Variants in ADAMTSL1 observed in about 807,000 individuals in gnomAD.
The protein encoded by ADAMTSL1 is ADAMTS-like protein 1.
In ADAMTSL1, 126 loss-of-function variants were observed where a neutral mutation model predicts 201.8. The ratio of observed to expected loss-of-function variants is 0.62; its 90% CI spans 0.54 to 0.72. The LOEUF is 0.72. Among genes scored for constraint, ADAMTSL1 ranks in the 30% least tolerant of loss-of-function variants. The pLI, the probability that ADAMTSL1 is intolerant of heterozygous loss-of-function variation, is 0.00. For missense variants in ADAMTSL1, 2,679 were observed against 2,277.8 expected (o/e 1.18, Z -3.59); for synonymous variants, 1,121 against 903.4 (o/e 1.24, Z -4.32).
intron 4 of ADAMTSL1, among the ~76,000 whole-genome samples, chr9:18,618,765 G>A (rs1825853541): frequency 6.6e-6 from 1 of 152,124 alleles, no homozygotes; most frequent in Admixed American, 6.6e-5. Flanking sequence ...CCCCAGCCAA[G>A]TCAGCTTCTT....
chr9:18,339,489 C>G (rs1378886465), intron 2 of ADAMTSL1, among the ~76,000 whole-genome samples: 2 of 152,102 alleles, frequency 1.3e-5, no homozygotes, highest in African/African-American at 4.8e-5. Flanking sequence ...AAAGGGAACG[C>G]TTATACATTG....
intron 17 of ADAMTSL1, among the ~76,000 whole-genome samples, chr9:18,772,345 C>G (rs535487057): frequency 1.3e-5 from 2 of 152,140 alleles, no homozygotes; most frequent in African/African-American, 4.8e-5. Context: ...GCCTTTGAAG[C>G]ATATGAGACA....
intron 4 of ADAMTSL1, among the ~76,000 whole-genome samples, chr9:18,609,146 G>C (rs937809674): frequency 6.6e-6 from 1 of 152,134 alleles, no homozygotes; most frequent in African/African-American, 2.4e-5. Context: ...TGTGCTGACA[G>C]ATAAATTTAA....
chr9:18,180,022 A>G (rs917400480), intron 2 of ADAMTSL1, among the ~76,000 whole-genome samples: 1 of 152,276 alleles, frequency 6.6e-6, no homozygotes, highest in African/African-American at 2.4e-5. Flanking sequence ...TTCACACATA[A>G]CAATATTAAC....
chr9:18,644,226 T>A (rs1272031992), intron 7 of ADAMTSL1, among the ~76,000 whole-genome samples: 1 of 152,022 alleles, frequency 6.6e-6, no homozygotes, highest in Non-Finnish European at 1.5e-5. Flanking sequence ...GATTTTTTTA[T>A]CCTGCAACTT....
intron 1 of ADAMTSL1, among the ~76,000 whole-genome samples, chr9:18,161,791 A>G (rs1827400848): frequency 6.6e-6 from 1 of 152,064 alleles, no homozygotes; most frequent in Admixed American, 6.6e-5. Context: ...TAGGGGAAGA[A>G]CTAACAGAAA....
intron 2 of ADAMTSL1, among the ~76,000 whole-genome samples, chr9:18,443,379 A>T (rs1357568922): frequency 6.6e-6 from 1 of 152,250 alleles, no homozygotes; most frequent in Non-Finnish European, 1.5e-5. Context: ...GTGTATAATG[A>T]ATACCATTGC....
intron 2 of ADAMTSL1, among the ~76,000 whole-genome samples, chr9:18,284,480 C>T (rs1832920574): frequency 6.6e-6 from 1 of 152,014 alleles, no homozygotes. Flanking sequence ...GTTGCTTCAT[C>T]AGAATTACTT....
upstream of ADAMTSL1, among the ~76,000 whole-genome samples, chr9:18,471,072 A>T (rs928195785): frequency 2.0e-5 from 3 of 152,200 alleles, no homozygotes; most frequent in Admixed American, 6.5e-5. Context: ...AAAGTTTTAC[A>T]TTACTTTTCC....
At chr9:18,613,318 CCT>C (rs1825498019) in intron 4 of ADAMTSL1, among the ~76,000 whole-genome samples, 1 of 152,070 alleles carries the variant, frequency 6.6e-6, no homozygotes, top group Non-Finnish European at 1.5e-5. Context: ...TCCTCAAAGA[CCT>C]AAAGACAGAA....
At chr9:18,105,499 C>G (rs1164790667) in intron 1 of ADAMTSL1, among the ~76,000 whole-genome samples, 1 of 152,104 alleles carries the variant, frequency 6.6e-6, no homozygotes, top group Non-Finnish European at 1.5e-5. Flanking sequence ...TTCTAAGCCC[C>G]TTATTTTATA....
chr9:18,683,480 G>A (rs914020837), intron 12 of ADAMTSL1, among the ~76,000 whole-genome samples: 5 of 151,648 alleles, frequency 3.3e-5, no homozygotes, highest in Non-Finnish European at 5.9e-5. Flanking sequence ...TAATCGCCTC[G>A]GCCTCCCAAA....
intron 9 of ADAMTSL1, among the ~76,000 whole-genome samples, chr9:18,673,140 A>C (rs1051298866): frequency 6.6e-6 from 1 of 152,174 alleles, no homozygotes; most frequent in Admixed American, 6.5e-5. Context: ...GCATACATGT[A>C]CACACACCCA....
At chr9:18,073,310 G>A (rs1298249311) in intron 1 of ADAMTSL1, among the ~76,000 whole-genome samples, 1 of 152,146 alleles carries the variant, frequency 6.6e-6, no homozygotes, top group Admixed American at 6.5e-5. Flanking sequence ...CTGTGTGAAT[G>A]CCTAATGAAG....
chr9:18,290,353 G>C lies in ADAMTSL1; in HGVS notation c.207+126372G>C, dbSNP rs894098396. Among the ~76,000 whole-genome samples the C allele has an allele frequency of 9.9e-5, 15 of 151,712 alleles. No individual in the cohort carries two copies. In the South Asian group the frequency reaches 2.1e-3, roughly 21 times the overall value. On this transcript the variant is annotated intron_variant, in intron 2 of 29. Transcript: ENST00000680146. ...AGCAAGATGACAAAGCAGTGAGAAG[G>C]GACAGTGAGGAGACGTGTATTCCCA...
chr9:18,889,836 A>G (rs189490074), intron 25 of ADAMTSL1, 88 bp downstream of exon 25: 3 of 1,324,256 alleles, frequency 2.3e-6, no homozygotes, highest in Admixed American at 6.5e-5. Flanking sequence ...CTTCAGTAGC[A>G]CTGTGCAGGG....
intron 2 of ADAMTSL1, among the ~76,000 whole-genome samples, chr9:18,337,397 C>T (rs918904130): frequency 6.6e-6 from 1 of 152,114 alleles, no homozygotes; most frequent in African/African-American, 2.4e-5. Flanking sequence ...TGGGGCTTTA[C>T]CTTGTGATGG....
intron 4 of ADAMTSL1, among the ~76,000 whole-genome samples, chr9:18,580,484 T>A (rs1229422732): frequency 6.6e-6 from 1 of 152,170 alleles, no homozygotes; most frequent in Non-Finnish European, 1.5e-5. Context: ...TAATTCCACA[T>A]GGAAGCATGG....
intron 2 of ADAMTSL1, among the ~76,000 whole-genome samples, chr9:18,229,807 T>C (rs909713111): frequency 6.6e-6 from 1 of 152,024 alleles, no homozygotes; most frequent in Non-Finnish European, 1.5e-5. Flanking sequence ...GCAATTCTCC[T>C]GCCTCAGCCT....
Sources: allele counts gnomAD v4.1 joint callset (sites outside exome capture counted in the v4.1 genomes callset), GRCh38; gene constraint gnomAD v4.1.1; transcripts MANE v1.5; gene names NCBI Gene and HGNC (gene_info 2026-07-23, HGNC 2026-07-21).